Variants in CDH4 observed in about 807,000 individuals in gnomAD.
CDH4 encodes the protein cadherin 4, also known as cadherin-4.
CDH4 carries 33 observed loss-of-function variants against 86.0 expected under a neutral mutation model. That is an observed-to-expected ratio of 0.38 (90% confidence interval 0.29 to 0.51). CDH4 has a LOEUF of 0.51. Ranked by LOEUF, CDH4 falls within the 20% of genes least tolerant of loss-of-function variation. The pLI, the probability that CDH4 is intolerant of heterozygous loss-of-function variation, is 0.86. For synonymous variants in CDH4, 555 were observed against 549.4 expected (o/e 1.01, Z -0.14); for missense variants, 1,114 against 1,307.4 (o/e 0.85, Z 2.28).
At chr20:61,523,417 C>A (rs1041365874) in intron 2 of CDH4, among the ~76,000 whole-genome samples, 2 of 152,242 alleles carry the variant, frequency 1.3e-5, no homozygotes, top group African/African-American at 4.8e-5. Context: ...ACAGACACAC[C>A]CTTCCAGCAT....
chr20:61,761,610 G>A (rs1439618223), intron 3 of CDH4, among the ~76,000 whole-genome samples: 2 of 152,216 alleles, frequency 1.3e-5, no homozygotes, highest in South Asian at 2.1e-4. Context: ...AGGAGAAGCT[G>A]CCAACACCCG....
At chr20:61,788,250 T>C (rs947651374) in intron 4 of CDH4, among the ~76,000 whole-genome samples, 5 of 151,856 alleles carry the variant, frequency 3.3e-5, no homozygotes, top group Non-Finnish European at 7.4e-5. Context: ...CTCATGAGCA[T>C]GGGGTCGCGG....
intron 2 of CDH4, among the ~76,000 whole-genome samples, chr20:61,614,041 C>A (rs543405751): frequency 4.6e-5 from 7 of 152,168 alleles, no homozygotes; most frequent in African/African-American, 1.7e-4. Flanking sequence ...GTGGCAGGGA[C>A]GGACGTGTGG....
intron 2 of CDH4, among the ~76,000 whole-genome samples, chr20:61,559,816 G>C (rs138652049): frequency 6.6e-6 from 1 of 152,114 alleles, no homozygotes; most frequent in Non-Finnish European, 1.5e-5. Flanking sequence ...ACTGCACCCA[G>C]CCGGATTCTC....
chr20:61,444,413 CTGTATATA>C (rs1229974889), intron 2 of CDH4, among the ~76,000 whole-genome samples: 3 of 141,400 alleles, frequency 2.1e-5, no homozygotes, highest in East Asian at 2.5e-4. Context: ...TTGTGTGTAT[CTGTATATA>C]TGTGTATGTG....
chr20:61,805,419 C>G (rs953995690), intron 4 of CDH4, among the ~76,000 whole-genome samples: 3 of 152,226 alleles, frequency 2.0e-5, no homozygotes, highest in African/African-American at 7.2e-5. Context: ...CAGAGCCACA[C>G]CCGAGCCCCA....
intron 2 of CDH4, among the ~76,000 whole-genome samples, chr20:61,728,687 G>A (rs1295093255): frequency 6.6e-6 from 1 of 152,236 alleles, no homozygotes; most frequent in African/African-American, 2.4e-5. Context: ...CCAGCAGGAT[G>A]TCTGAGCAGA....
chr20:61,798,245 C>T (rs13433182), intron 4 of CDH4, among the ~76,000 whole-genome samples: 27,087 of 138,198 alleles, frequency 0.2, 2,572 homozygotes, highest in South Asian at 0.25. Context: ...CAGCTCCCTG[C>T]GGGAGCACGC....
chr20:61,903,016 C>CAAA (rs58490650), intron 8 of CDH4, among the ~76,000 whole-genome samples: 27 of 83,098 alleles, frequency 3.2e-4, no homozygotes, highest in African/African-American at 7.1e-4. Flanking sequence ...AAGACTGTCT[C>CAAA]AAAAAAAAAA....
chr20:61,668,768 C>T (rs998083900), intron 2 of CDH4, among the ~76,000 whole-genome samples: 3 of 152,200 alleles, frequency 2.0e-5, no homozygotes, highest in South Asian at 4.1e-4. Flanking sequence ...GGTTCCAGGC[C>T]CCTGGGCCCT....
At chr20:61,670,589 G>A (rs1485521326) in intron 2 of CDH4, among the ~76,000 whole-genome samples, 3 of 152,250 alleles carry the variant, frequency 2.0e-5, no homozygotes, top group Non-Finnish European at 4.4e-5. Context: ...CCAAAGCTTT[G>A]TCCAGCACTC....
At chr20:61,787,781 C>T (rs147516921) in intron 4 of CDH4, among the ~76,000 whole-genome samples, 51 of 152,286 alleles carry the variant, frequency 3.3e-4, no homozygotes, top group African/African-American at 1.2e-3. Flanking sequence ...AATGCAGTGG[C>T]AGAGAGAATC....
intron 2 of CDH4, among the ~76,000 whole-genome samples, chr20:61,262,438 G>A (rs948814415): frequency 1.3e-5 from 2 of 152,198 alleles, no homozygotes; most frequent in Non-Finnish European, 2.9e-5. Context: ...CCCTTTGCAC[G>A]CTTTTGCCTC....
At chr20:61,817,697 C>T (rs879712268) in intron 4 of CDH4, among the ~76,000 whole-genome samples, 1 of 152,156 alleles carries the variant, frequency 6.6e-6, no homozygotes, top group Non-Finnish European at 1.5e-5. Flanking sequence ...CTAGCTATGC[C>T]GGGGCATCCA....
intron 2 of CDH4, among the ~76,000 whole-genome samples, chr20:61,311,701 G>A (rs912112962): frequency 6.6e-6 from 1 of 152,202 alleles, no homozygotes; most frequent in African/African-American, 2.4e-5. Context: ...GCTGCATCAA[G>A]AAATGTTAAA....
At chr20:61,934,845 G>GGACTT (rs2055160985) in intron 15 of CDH4, among the ~76,000 whole-genome samples, 3 of 152,172 alleles carry the variant, frequency 2.0e-5, no homozygotes, top group South Asian at 4.1e-4. Flanking sequence ...GGGTTGGAGG[G>GGACTT]GACTTGACTT....
At chr20:61,716,990 A>G (rs935301191) in intron 2 of CDH4, among the ~76,000 whole-genome samples, 1 of 152,228 alleles carries the variant, frequency 6.6e-6, no homozygotes, top group Non-Finnish European at 1.5e-5. Flanking sequence ...GTTCTTGGGC[A>G]GGCATTCACC....
intron 8 of CDH4, among the ~76,000 whole-genome samples, chr20:61,900,113 G>T (rs564569048): frequency 1.1e-4 from 16 of 152,214 alleles, no homozygotes; most frequent in African/African-American, 2.4e-4. Flanking sequence ...GCCTCAGCGG[G>T]GGGGACTGGC....
intron 2 of CDH4, among the ~76,000 whole-genome samples, chr20:61,374,505 A>G (rs1346843085): frequency 6.6e-6 from 1 of 152,234 alleles, no homozygotes; most frequent in South Asian, 2.1e-4. Context: ...CGGGCAAGTT[A>G]TTTAAGGTAC....
Sources: gnomAD v4.1 joint callset for allele counts (sites outside exome capture counted in the v4.1 genomes callset) on GRCh38, gnomAD v4.1.1 for gene constraint, MANE v1.5 for transcripts, NCBI Gene and HGNC (gene_info 2026-07-23, HGNC 2026-07-21) for gene names.